The following ATL1 variants were observed in gnomAD, a reference collection of about 807,000 sequenced individuals.
The protein encoded by ATL1 is atlastin GTPase 1.
A neutral mutation model predicts 75.5 loss-of-function variants in ATL1; 31 were observed. The observed-to-expected ratio is 0.41, with a 90% CI of 0.31 to 0.55. The LOEUF (loss-of-function observed/expected upper bound fraction) is 0.55, where lower values mean the gene tolerates loss of function less well. Ranked by LOEUF, ATL1 falls within the 20% of genes least tolerant of loss-of-function variation. The pLI is 0.27. For missense variants in ATL1, 405 were observed against 662.6 expected (o/e 0.61, Z 4.27); for synonymous variants, 226 against 233.3 (o/e 0.97, Z 0.28).
chr14:50,621,988 C>A, intron 10 of ATL1, 89 bp downstream of exon 10: 1 of 886,252 alleles, frequency 1.1e-6, no homozygotes, highest in Non-Finnish European at 1.9e-6. Context: ...CAATATTAGA[C>A]AGAATAATTT....
intron 8 of ATL1, among the ~76,000 whole-genome samples, chr14:50,618,221 T>A (rs2039432864): frequency 6.6e-6 from 1 of 152,152 alleles, no homozygotes; most frequent in Admixed American, 6.5e-5. Flanking sequence ...AATATTCTAC[T>A]AAAGATGAAA....
At chr14:50,609,956 A>G (rs1372466848) in intron 6 of ATL1, among the ~76,000 whole-genome samples, 1 of 151,948 alleles carries the variant, frequency 6.6e-6, no homozygotes, top group Non-Finnish European at 1.5e-5. Context: ...TTCTAAATAA[A>G]TATTCACTTT....
intron 6 of ATL1, among the ~76,000 whole-genome samples, chr14:50,600,424 T>C (rs1328410430): frequency 2.0e-5 from 3 of 152,190 alleles, no homozygotes. Context: ...CTTAACTACC[T>C]GAAATTGAAA....
intron 6 of ATL1, among the ~76,000 whole-genome samples, chr14:50,612,458 C>T (rs1188500029): frequency 6.6e-6 from 1 of 152,006 alleles, no homozygotes; most frequent in Non-Finnish European, 1.5e-5. Flanking sequence ...CAATGTTTTC[C>T]AAAATCTTTG....
chr14:50,626,751 G>A (rs1192899151), intron 11 of ATL1, among the ~76,000 whole-genome samples: 1 of 152,102 alleles, frequency 6.6e-6, no homozygotes, highest in Non-Finnish European at 1.5e-5. Flanking sequence ...CTTTATGCTA[G>A]GAACATTCGA....
intron 1 of ATL1, among the ~76,000 whole-genome samples, chr14:50,540,819 C>T (rs2038551695): frequency 6.6e-6 from 1 of 152,194 alleles, no homozygotes; most frequent in Admixed American, 6.5e-5. Context: ...TAGCTAACTT[C>T]TTACCCATGC....
chr14:50,540,191 A>G (rs1001499248), intron 1 of ATL1, among the ~76,000 whole-genome samples: 12 of 152,234 alleles, frequency 7.9e-5, no homozygotes, highest in African/African-American at 2.7e-4. Context: ...ACCTTCAGGA[A>G]GAAGTGAAAT....
chr14:50,550,344 C>T lies in ATL1; in HGVS notation c.-139-9783C>T, dbSNP rs1225440297. On this transcript the variant is annotated intron_variant, in intron 1 of 13. Transcript: ENST00000441560. ...TAATGTTACAAGGAGTAGATATACCCATGAGGGTCCCTACTGAACATCTGT... is the reference window on the plus strand; with the variant it reads ...TAATGTTACAAGGAGTAGATATACCTATGAGGGTCCCTACTGAACATCTGT... 2.0e-5 allele frequency among the ~76,000 whole-genome samples: 3 copies of T among 152,304 alleles called. No individual in the cohort carries two copies. The East Asian group carries it at 5.8e-4, about 29-fold the overall frequency.
At chr14:50,543,665 A>G (rs912648325) in intron 1 of ATL1, among the ~76,000 whole-genome samples, 1 of 152,170 alleles carries the variant, frequency 6.6e-6, no homozygotes, top group African/African-American at 2.4e-5. Context: ...AACCCCTGTA[A>G]GGATGTAGTA....
intron 5 of ATL1, among the ~76,000 whole-genome samples, chr14:50,594,489 A>T (rs2934682): frequency 0.24 from 35,934 of 151,824 alleles, 6,347 homozygotes; most frequent in African/African-American, 0.5. Context: ...ACAGACATTT[A>T]AAAAAAACAC....
At chr14:50,614,263 C>T (rs2039393622) in intron 7 of ATL1, 110 bp from the exon 8 acceptor site, 1 of 1,240,844 alleles carries the variant, frequency 8.1e-7, no homozygotes, top group African/African-American at 1.5e-5. Context: ...CCTGTCGTGT[C>T]ATTTTCATCA....
At chr14:50,558,655 T>G (rs2038794723), upstream of ATL1, among the ~76,000 whole-genome samples, 1 of 152,230 alleles carries the variant, frequency 6.6e-6, no homozygotes, top group African/African-American at 2.4e-5. Context: ...TTTTTCTTTT[T>G]TGTGTGTAAT....
intron 6 of ATL1, among the ~76,000 whole-genome samples, chr14:50,599,067 G>A (rs946801628): frequency 6.6e-6 from 1 of 152,016 alleles, no homozygotes; most frequent in Non-Finnish European, 1.5e-5. Context: ...AATAAACCAT[G>A]TAGTAAAAAA....
chr14:50,610,714 T>C (rs1176457690), intron 6 of ATL1, among the ~76,000 whole-genome samples: 8 of 152,182 alleles, frequency 5.3e-5, no homozygotes, highest in Non-Finnish European at 2.9e-5. Context: ...AACAAATCTG[T>C]ATTAAGCACT....
chr14:50,537,103 A>G (rs929198265), intron 1 of ATL1, among the ~76,000 whole-genome samples: 8 of 152,204 alleles, frequency 5.3e-5, no homozygotes, highest in Admixed American at 5.2e-4. Flanking sequence ...CCTAGGAGGA[A>G]AAAGTGGTTT....
intron 1 of ATL1, among the ~76,000 whole-genome samples, chr14:50,574,374 C>A (rs908997258): frequency 6.6e-6 from 1 of 152,266 alleles, no homozygotes; most frequent in East Asian, 1.9e-4. Flanking sequence ...AGAGCTCTCC[C>A]AAGAAAGGAT....
chr14:50,621,661 T>C (rs1424123115), intron 9 of ATL1, among the ~76,000 whole-genome samples, 182 bp from the exon 10 acceptor site: 1 of 152,144 alleles, frequency 6.6e-6, no homozygotes, highest in African/African-American at 2.4e-5. Context: ...GAAAAAGGCA[T>C]TTCAGGAAAG....
intron 6 of ATL1, among the ~76,000 whole-genome samples, chr14:50,607,627 A>C (rs1379752777): frequency 6.6e-6 from 1 of 152,084 alleles, no homozygotes; most frequent in Non-Finnish European, 1.5e-5. Flanking sequence ...CCTTTACCTG[A>C]AACTGAAATT....
intron 1 of ATL1, among the ~76,000 whole-genome samples, chr14:50,549,108 C>G (rs1025375497): frequency 3.3e-5 from 5 of 152,014 alleles, no homozygotes; most frequent in Admixed American, 6.5e-5. Flanking sequence ...TCACTTTGAA[C>G]AAGTGGAGGG....
Sources: gnomAD v4.1 joint callset for allele counts (sites outside exome capture counted in the v4.1 genomes callset) on GRCh38, gnomAD v4.1.1 for gene constraint, MANE v1.5 for transcripts, NCBI Gene and HGNC (gene_info 2026-07-23, HGNC 2026-07-21) for gene names.